The following DGKI variants were observed in gnomAD, a reference collection of about 807,000 sequenced individuals.
DGKI encodes the protein diacylglycerol kinase iota, also known as DAG kinase iota.
DGKI carries 55 observed loss-of-function variants against 147.5 expected under a neutral mutation model. The ratio of observed to expected loss-of-function variants is 0.37; its 90% CI spans 0.30 to 0.47. The LOEUF is 0.47. DGKI is among the 20% of genes least tolerant of loss of function. The pLI, the probability that DGKI is intolerant of heterozygous loss-of-function variation, is 1.00. For missense variants in DGKI, 1,007 were observed against 1,323.8 expected, an observed-to-expected ratio of 0.76 and a Z score of 3.71; for synonymous variants, 469 against 477.1, an observed-to-expected ratio of 0.98 and a Z score of 0.22.
intron 1 of DGKI, among the ~76,000 whole-genome samples, chr7:137,826,455 A>T (rs1798060525): frequency 6.6e-6 from 1 of 152,118 alleles, no homozygotes; most frequent in East Asian, 1.9e-4. Flanking sequence ...GCTAAAGGCA[A>T]ATCTTTCTTA....
chr7:137,557,693 T>C (rs904725735), intron 19 of DGKI, among the ~76,000 whole-genome samples: 2 of 152,194 alleles, frequency 1.3e-5, no homozygotes, highest in East Asian at 3.9e-4. Context: ...CATTTCCTAC[T>C]GAGAAGCACT....
intron 3 of DGKI, among the ~76,000 whole-genome samples, chr7:137,676,566 T>C (rs1823045768): frequency 6.6e-6 from 1 of 152,182 alleles, no homozygotes; most frequent in African/African-American, 2.4e-5. Context: ...ATTTATTCCT[T>C]CATTTAACCA....
At chr7:137,446,476 C>A (rs568629655) in intron 27 of DGKI, among the ~76,000 whole-genome samples, 1 of 152,092 alleles carries the variant, frequency 6.6e-6, no homozygotes, top group East Asian at 1.9e-4. Context: ...TGCTGGAAAT[C>A]GGCATAAAAA....
At position 137,397,365 on chromosome 7, in the gene DGKI, G is replaced by T; in HGVS notation, c.2957+12C>A. The T allele has an allele frequency of 6.2e-7, 1 of 1,612,544 alleles. No individual in the cohort carries two copies. Among genetic ancestry groups the T allele is most frequent in the Non-Finnish European group, 8.5e-7 (1 of 1,179,210 alleles). ...AAATAACCTAGACTATGTAATAAAAGGCAACACTCACGTTTCACTGTCTGC... is the reference window on the plus strand; with the variant it reads ...AAATAACCTAGACTATGTAATAAAATGCAACACTCACGTTTCACTGTCTGC... On this transcript the variant is annotated intron_variant, in intron 31 of 32. Transcript: ENST00000614521.
rs202152510 is a variant in DGKI at position 137,487,695 on chromosome 7, G to A, written c.2249-6C>T. 9.8e-5 allele frequency: 158 copies of A among 1,611,670 alleles called. No individual in the cohort carries two copies. In the African/African-American group the frequency reaches 1.9e-3, roughly 20 times the overall value. ...TAGAATACCCAGAGGTATCGCTAAGGGTGAAGGAAGAAGAAAAATCTAAAA... is the reference window on the plus strand; with the variant it reads ...TAGAATACCCAGAGGTATCGCTAAGAGTGAAGGAAGAAGAAAAATCTAAAA... On this transcript the variant is annotated splice_region_variant and splice_polypyrimidine_tract_variant and intron_variant, in intron 21 of 32. Coordinates refer to ENST00000614521, the MANE Select transcript of DGKI (RefSeq NM_001321708.2).
rs139917568 is a variant in DGKI at position 137,787,806 on chromosome 7, A to G, written c.401+58656T>C. Among the ~76,000 whole-genome samples the G allele has an allele frequency of 4.7e-4, 72 of 152,270 alleles. No homozygotes were observed. The East Asian group carries it at 6.2e-3, about 13-fold the overall frequency. Reference sequence around the variant, plus strand: ...AAAGGAATGAAATAATGGCATTTGCAGCAACCTGGATGAAACTGGACACTA... The same window carrying G: ...AAAGGAATGAAATAATGGCATTTGCGGCAACCTGGATGAAACTGGACACTA... On this transcript the variant is annotated intron_variant, in intron 1 of 32. Coordinates refer to ENST00000614521, the MANE Select transcript of DGKI (RefSeq NM_001321708.2).
chr7:137,585,456 G>T, intron 13 of DGKI, 110 bp from the exon 14 acceptor site: 1 of 1,385,204 alleles, frequency 7.2e-7, no homozygotes, highest in Non-Finnish European at 9.6e-7. Flanking sequence ...TTTATAATTA[G>T]CAAGGTTTGA....
chr7:137,768,770 C>T (rs192302305), intron 1 of DGKI, among the ~76,000 whole-genome samples: 1 of 152,310 alleles, frequency 6.6e-6, no homozygotes, highest in East Asian at 1.9e-4. Context: ...CTCCTTCACA[C>T]TCAGGGACAA....
intron 28 of DGKI, among the ~76,000 whole-genome samples, chr7:137,436,631 A>T (rs1454309706): frequency 6.6e-6 from 1 of 152,198 alleles, no homozygotes; most frequent in East Asian, 1.9e-4. Flanking sequence ...CCTTCCAGAG[A>T]TTATAAAAGA....
At chr7:137,729,937 C>A (rs146163388) in intron 1 of DGKI, among the ~76,000 whole-genome samples, 1 of 152,240 alleles carries the variant, frequency 6.6e-6, no homozygotes, top group Non-Finnish European at 1.5e-5. Flanking sequence ...GTGGTTTCTA[C>A]CAACACTGTG....
intron 20 of DGKI, among the ~76,000 whole-genome samples, chr7:137,551,886 C>A (rs576678781): frequency 1.3e-5 from 2 of 152,210 alleles, no homozygotes; most frequent in South Asian, 2.1e-4. Flanking sequence ...AGGAAGGGAA[C>A]AATTCACTGG....
intron 1 of DGKI, among the ~76,000 whole-genome samples, chr7:137,745,353 G>GCAGTAGT (rs1795293498): frequency 6.6e-6 from 1 of 152,206 alleles, no homozygotes; most frequent in African/African-American, 2.4e-5. Flanking sequence ...CACATTAAAT[G>GCAGTAGT]CAGTAGTCCC....
chr7:137,697,480 T>C (rs984530310), intron 1 of DGKI, among the ~76,000 whole-genome samples: 1 of 152,106 alleles, frequency 6.6e-6, no homozygotes, highest in Non-Finnish European at 1.5e-5. Context: ...TTGATAAAAG[T>C]CGGGAAAGAA....
intron 21 of DGKI, among the ~76,000 whole-genome samples, chr7:137,504,189 A>G (rs1816286395): frequency 6.6e-6 from 1 of 152,200 alleles, no homozygotes; most frequent in Non-Finnish European, 1.5e-5. Context: ...TCTGCAAGGT[A>G]CCATGATGTG....
rs962774712 is a variant in DGKI at position 137,700,877 on chromosome 7, TCAAA to T, written c.402-10879_402-10876del. Among the ~76,000 whole-genome samples the T allele has an allele frequency of 7.7e-4, 106 of 137,016 alleles. 1 individual carries two copies. In the East Asian group the frequency reaches 8.2e-3, roughly 11 times the overall value. The allele number at this position is 137,016 out of a possible 152,430, so 89.9% of individuals were successfully genotyped here. Reference sequence around the variant, plus strand: ...TGGGCGACAAGAGCGAAGCTCCGTCTCAAATAAATAAATAAATAAATAAATAAAT... The same window carrying T: ...TGGGCGACAAGAGCGAAGCTCCGTCTTAAATAAATAAATAAATAAATAAAT... On this transcript the variant is annotated intron_variant, in intron 1 of 32. Transcript: ENST00000614521.
At position 137,696,461 on chromosome 7, in the gene DGKI, T is replaced by TTTTG. The variant is rs1554459920; in HGVS notation, c.402-6460_402-6459insCAAA. Among the ~76,000 whole-genome samples, 121 of 109,134 alleles carry TTTTG rather than the reference T, an allele frequency of 1.1e-3. 7 individuals are homozygous for TTTTG. Among genetic ancestry groups the TTTTG allele is most frequent in the East Asian group, 7.0e-3 (21 of 2,992 alleles). The allele number at this position is 109,134 out of a possible 152,430, so 71.6% of individuals were successfully genotyped here. On this transcript the variant is annotated intron_variant, in intron 1 of 32. Coordinates refer to ENST00000614521, the MANE Select transcript of DGKI (RefSeq NM_001321708.2). ...TTTTTTTTTTTTTTTTTTTTTTTTTTTTGCTTAATGTGTAAAAATGGCCTG... is the reference window on the plus strand; with the variant it reads ...TTTTTTTTTTTTTTTTTTTTTTTTTTTTTGTTGCTTAATGTGTAAAAATGGCCTG...
At position 137,638,533 on chromosome 7, in the gene DGKI, C is replaced by CACACAT. The variant is rs1363848547; in HGVS notation, c.804+6938_804+6939insATGTGT. Among the ~76,000 whole-genome samples the CACACAT allele has an allele frequency of 3.8e-3, 211 of 56,192 alleles. 31 individuals are homozygous for CACACAT. Among genetic ancestry groups the CACACAT allele is most frequent in the African/African-American group, 7.8e-3 (94 of 12,002 alleles). The allele number at this position is 56,192 out of a possible 152,430, so 36.9% of individuals were successfully genotyped here. On this transcript the variant is annotated intron_variant, in intron 6 of 32. Transcript: ENST00000614521. ...ATATGTGTGTATATATATACACACA[C>CACACAT]ATATATGTATATATATGTGTGTATA...
intron 21 of DGKI, among the ~76,000 whole-genome samples, chr7:137,518,691 A>G (rs1816862458): frequency 6.6e-6 from 1 of 152,110 alleles, no homozygotes; most frequent in African/African-American, 2.4e-5. Context: ...ACTGGTGCTC[A>G]AACTGAAGTT....
chr7:137,398,132 G>A (rs980275014), intron 30 of DGKI, among the ~76,000 whole-genome samples: 8 of 152,078 alleles, frequency 5.3e-5, no homozygotes, highest in African/African-American at 1.9e-4. Flanking sequence ...AGCCCTTCAT[G>A]ATCCCACTTC....
Sources: gnomAD v4.1 joint callset for allele counts (sites outside exome capture counted in the v4.1 genomes callset) on GRCh38, gnomAD v4.1.1 for gene constraint, MANE v1.5 for transcripts, NCBI Gene and HGNC (gene_info 2026-07-23, HGNC 2026-07-21) for gene names.